BFSP1: variants seen among roughly 807,000 people sequenced by gnomAD.
The protein encoded by BFSP1 is beaded filament structural protein 1.
BFSP1 carries 38 observed loss-of-function variants against 43.9 expected under a neutral mutation model. The ratio of observed to expected loss-of-function variants is 0.87; its 90% CI spans 0.67 to 1.14. BFSP1 has a LOEUF of 1.14. BFSP1 is among the 50% of genes most tolerant of loss of function. The pLI, the probability that BFSP1 is intolerant of heterozygous loss-of-function variation, is 0.00. For missense variants in BFSP1, 850 were observed against 875.1 expected (o/e 0.97, Z 0.36); for synonymous variants, 352 against 354.8 (o/e 0.99, Z 0.09).
At chr20:17,546,051 C>G (rs2034795785) in intron 1 of BFSP1, among the ~76,000 whole-genome samples, 2 of 152,196 alleles carry the variant, frequency 1.3e-5, no homozygotes, top group Admixed American at 6.5e-5. Context: ...GAATCTCCTC[C>G]TGGGGTCTGG....
chr20:17,560,236 G>A (rs2035055018), upstream of BFSP1: 1 of 151,768 alleles, frequency 6.6e-6, no homozygotes, highest in Admixed American at 6.6e-5. Context: ...AATTTTTTTT[G>A]GTAGGACATC....
upstream of BFSP1, chr20:17,563,042 T>A (rs2035081186): frequency 6.6e-6 from 1 of 152,258 alleles, no homozygotes; most frequent in South Asian, 2.1e-4. Flanking sequence ...GGGCTTGGGA[T>A]CAGATCCTGT....
At chr20:17,568,172 T>A (rs945562637) in intron 1 of BFSP1, among the ~76,000 whole-genome samples, 2 of 152,072 alleles carry the variant, frequency 1.3e-5, no homozygotes, top group East Asian at 1.9e-4. Flanking sequence ...AAAAGTAGGC[T>A]GAGGCCAGAG....
chr20:17,555,082 T>C (rs115155835), intron 1 of BFSP1, among the ~76,000 whole-genome samples: 1,974 of 151,732 alleles, frequency 0.013, 56 homozygotes, highest in African/African-American at 0.045. Flanking sequence ...GAGAATCACA[T>C]CAGCCCAGGA....
intron 4 of BFSP1, 53 bp downstream of exon 4, chr20:17,511,923 C>A: frequency 1.3e-6 from 2 of 1,499,728 alleles, no homozygotes; most frequent in Non-Finnish European, 1.9e-6. Flanking sequence ...TGGGAGTCTC[C>A]AGGTACAGCT....
At chr20:17,548,790 T>C (rs1407120574) in intron 1 of BFSP1, among the ~76,000 whole-genome samples, 1 of 151,854 alleles carries the variant, frequency 6.6e-6, no homozygotes, top group African/African-American at 2.4e-5. Context: ...TTTTTGGTGG[T>C]GGTAGTTTTG....
At chr20:17,531,474 G>C, upstream of BFSP1, 1 of 1,139,756 alleles carries the variant, frequency 8.8e-7, no homozygotes, top group South Asian at 4.0e-5. Context: ...TGGGCGCCAC[G>C]CTGGGCCCGG....
Position 17,514,754 on chromosome 20 carries a change from A to T in BFSP1, c.501T>A (p.Asp167Glu). ...RLQLEAQFLQ[D>E]DISAAKDRHK... ...GCCTGTCCTTTGCCGCACTGATATC[A>T]TCTTGCAGAAATTGGGCTTCCAGCT... Residue 167 changes from aspartate to glutamate, a missense_variant, in exon 3 of 8, where the codon GAT becomes GAA. By Grantham distance (45) the Asp-to-Glu change is conservative. Transcript: ENST00000377873. 1.2e-6 allele frequency: 2 copies of T among 1,614,078 alleles called. No individual in the cohort carries two copies. The highest frequency in any genetic ancestry group is 1.7e-6 in the Non-Finnish European group (2 of 1,179,954).
chr20:17,504,566 G>A (rs1000165071), intron 5 of BFSP1, among the ~76,000 whole-genome samples: 19 of 152,262 alleles, frequency 1.2e-4, no homozygotes, highest in South Asian at 1.2e-3. Flanking sequence ...AGGCAGGACC[G>A]GTCCTGGGAA....
At chr20:17,549,696 C>T (rs778519710) in intron 1 of BFSP1, among the ~76,000 whole-genome samples, 4 of 151,950 alleles carry the variant, frequency 2.6e-5, no homozygotes, top group East Asian at 1.9e-4. Context: ...ACTAGCCTGG[C>T]GTGGTGGCAC....
rs763528461 is a variant in BFSP1 at position 17,494,600 on chromosome 20, G to C, written c.1472C>G (p.Ala491Gly). Reference protein sequence around the residue: ...DPRFYVSSITAKGGVAVSVAE... With the variant: ...DPRFYVSSITGKGGVAVSVAE... ...AACAGAAACAGCCACCCCACCTTTA[G>C]CTGTGATGGAGGAGACATAGAATCT... Residue 491 changes from alanine to glycine, a missense_variant, in exon 8 of 8, where the codon GCT becomes GGT. Physicochemically the swap from Ala to Gly is moderately conservative, Grantham distance 60. Coordinates refer to ENST00000377873, the MANE Select transcript of BFSP1 (RefSeq NM_001195.5). 1 of 1,614,216 alleles carries C rather than the reference G, an allele frequency of 6.2e-7. No individual in the cohort carries two copies. The highest frequency in any genetic ancestry group is 8.5e-7 in the Non-Finnish European group (1 of 1,180,036).
chr20:17,540,912 T>C (rs1413159346), intron 1 of BFSP1, among the ~76,000 whole-genome samples: 4 of 152,246 alleles, frequency 2.6e-5, no homozygotes, highest in African/African-American at 9.6e-5. Context: ...TTCACCATGC[T>C]TTGTTGATTC....
At chr20:17,501,877 T>C (rs1219186573) in intron 5 of BFSP1, among the ~76,000 whole-genome samples, 1 of 152,124 alleles carries the variant, frequency 6.6e-6, no homozygotes, top group Non-Finnish European at 1.5e-5. Flanking sequence ...GTCTCAGAAA[T>C]CGCAGAGTTG....
rs143693608 is a variant in BFSP1, at chr20:17,556,764, T to C, written c.2+1924A>G. On this transcript the variant is annotated intron_variant, in intron 1 of 7. Coordinates refer to the BFSP1 transcript ENST00000377868. The stretch of plus-strand genomic sequence containing the variant: ...CCAGATAATTTATATAATTAAATTT[T>C]TTAAAACGACCTCTTTATTATTATA... 6.9e-3 allele frequency among the ~76,000 whole-genome samples: 1,055 copies of C among 152,238 alleles called. 8 individuals carry two copies. The highest frequency in any genetic ancestry group is 0.024 in the African/African-American group (978 of 41,556).
intron 1 of BFSP1, among the ~76,000 whole-genome samples, chr20:17,545,945 A>G (rs1364223550): frequency 6.6e-6 from 1 of 152,184 alleles, no homozygotes; most frequent in East Asian, 1.9e-4. Flanking sequence ...CTTTCTGAAA[A>G]TGTGCTACTC....
intron 1 of BFSP1, among the ~76,000 whole-genome samples, chr20:17,537,216 G>C (rs75719690): frequency 6.6e-6 from 1 of 152,286 alleles, no homozygotes; most frequent in Non-Finnish European, 1.5e-5. Flanking sequence ...AACTCAAAAG[G>C]TAAGTCAGCC....
chr20:17,557,417 G>A (rs937827418), intron 1 of BFSP1, among the ~76,000 whole-genome samples: 1 of 152,138 alleles, frequency 6.6e-6, no homozygotes, highest in African/African-American at 2.4e-5. Flanking sequence ...ACCTCAAGGG[G>A]GCTTCTCTGC....
At chr20:17,534,038 C>T (rs183263953), upstream of BFSP1, among the ~76,000 whole-genome samples, 52 of 152,336 alleles carry the variant, frequency 3.4e-4, no homozygotes, top group Non-Finnish European at 6.5e-4. Flanking sequence ...AAATGCAATC[C>T]TGCTATGTGC....
intron 6 of BFSP1, among the ~76,000 whole-genome samples, chr20:17,497,432 GTA>G (rs1344834508): frequency 9.0e-6 from 1 of 111,284 alleles, no homozygotes; most frequent in Non-Finnish European, 1.7e-5. Flanking sequence ...TAAGATATAT[GTA>G]TATATACGTG....
Sources: gnomAD v4.1 joint callset for allele counts (sites outside exome capture counted in the v4.1 genomes callset) on GRCh38, gnomAD v4.1.1 for gene constraint, MANE v1.5 for transcripts, NCBI Gene and HGNC (gene_info 2026-07-23, HGNC 2026-07-21) for gene names.